AKAP6: variants seen among roughly 807,000 people sequenced by gnomAD.
The protein encoded by AKAP6 is A-kinase anchoring protein 6.
In AKAP6, 58 loss-of-function variants were observed where a neutral mutation model predicts 188.5. The observed-to-expected ratio is 0.31, with a 90% CI of 0.25 to 0.38. AKAP6 has a LOEUF of 0.38. Among genes scored for constraint, AKAP6 ranks in the 10% least tolerant of loss-of-function variants. The probability of loss-of-function intolerance (pLI) is 1.00; values close to 1 mark genes in which losing one functional copy is unlikely to be tolerated. For synonymous variants in AKAP6, 989 were observed against 998.6 expected (o/e 0.99, Z 0.18); for missense variants, 2,710 against 2,740.0 (o/e 0.99, Z 0.24).
chr14:32,647,423 A>G (rs1888029845), intron 7 of AKAP6, among the ~76,000 whole-genome samples: 2 of 152,096 alleles, frequency 1.3e-5, no homozygotes, highest in South Asian at 4.1e-4. Flanking sequence ...TTAACTGGTA[A>G]GAAAAATAAG....
chr14:32,519,268 A>G (rs1881690943), intron 2 of AKAP6, among the ~76,000 whole-genome samples: 1 of 152,246 alleles, frequency 6.6e-6, no homozygotes, highest in Admixed American at 6.5e-5. Flanking sequence ...CATTGAGGCT[A>G]GGAAGTAACT....
In AKAP6 at chr14:32,582,161, C is replaced by T. The variant is rs1361033794; in HGVS notation, c.2469+4919C>T. Among the ~76,000 whole-genome samples the T allele has an allele frequency of 3.6e-3, 552 of 152,100 alleles. 2 individuals carry two copies. The highest frequency in any genetic ancestry group is 0.013 in the African/African-American group (526 of 41,504). On this transcript the variant is annotated intron_variant, in intron 5 of 13. Transcript: ENST00000280979. Reference sequence around the variant, plus strand: ...TTGTTCCTTTCCATGTTTAGTGCTTCCTTCAGGAGCTCTTTTAGGGCAGGC... The same window carrying T: ...TTGTTCCTTTCCATGTTTAGTGCTTTCTTCAGGAGCTCTTTTAGGGCAGGC...
At chr14:32,518,539 G>C (rs548740931) in intron 2 of AKAP6, among the ~76,000 whole-genome samples, 1 of 152,136 alleles carries the variant, frequency 6.6e-6, no homozygotes. Context: ...CGAGAACTAC[G>C]TGACACATGC....
At chr14:32,554,076 A>G in intron 4 of AKAP6, among the ~76,000 whole-genome samples, 1 of 152,266 alleles carries the variant, frequency 6.6e-6, no homozygotes, top group Non-Finnish European at 1.5e-5. Context: ...TTAGCATGAT[A>G]CCTGGACATA....
At chr14:32,643,824 A>G (rs1056701167) in intron 7 of AKAP6, among the ~76,000 whole-genome samples, 3 of 152,164 alleles carry the variant, frequency 2.0e-5, no homozygotes, top group Non-Finnish European at 4.4e-5. Context: ...CTTGATACTT[A>G]GTCTTGATTC....
chr14:32,376,503 A>G (rs183074954), intron 1 of AKAP6, among the ~76,000 whole-genome samples: 22 of 152,292 alleles, frequency 1.4e-4, no homozygotes, highest in Admixed American at 1.2e-3. Context: ...CTTTCATATA[A>G]TAAATGTTTG....
intron 1 of AKAP6, among the ~76,000 whole-genome samples, chr14:32,431,069 C>T (rs1259170218): frequency 1.3e-5 from 2 of 151,272 alleles, no homozygotes; most frequent in African/African-American, 2.4e-5. Context: ...GGCACCACTG[C>T]ACTCCAGCCT....
chr14:32,420,649 G>T (rs1336544237), intron 1 of AKAP6, among the ~76,000 whole-genome samples: 1 of 152,102 alleles, frequency 6.6e-6, no homozygotes, highest in South Asian at 2.1e-4. Context: ...TTCTGAGTAT[G>T]TTCATTTACA....
At chr14:32,346,744 G>T (rs1887080869) in intron 1 of AKAP6, among the ~76,000 whole-genome samples, 1 of 152,188 alleles carries the variant, frequency 6.6e-6, no homozygotes, top group Admixed American at 6.5e-5. Flanking sequence ...TCCTGACCTT[G>T]TGATCCACCC....
intron 1 of AKAP6, among the ~76,000 whole-genome samples, chr14:32,361,673 T>G (rs1887669257): frequency 6.6e-6 from 1 of 152,222 alleles, no homozygotes; most frequent in African/African-American, 2.4e-5. Context: ...TTGTATTGGT[T>G]TTTATTAAAG....
At chr14:32,750,775 CTCTGTCACCCACGCT>C (rs1451853818) in intron 11 of AKAP6, among the ~76,000 whole-genome samples, 1 of 147,632 alleles carries the variant, frequency 6.8e-6, no homozygotes, top group African/African-American at 2.5e-5. Context: ...TGGAGTCTCA[CTCTGTCACCCACGCT>C]GGAGTGCAGT....
chr14:32,662,718 G>A (rs1436117777), intron 7 of AKAP6, among the ~76,000 whole-genome samples: 2 of 152,082 alleles, frequency 1.3e-5, no homozygotes, highest in Admixed American at 6.6e-5. Context: ...TTTATAATTA[G>A]CAGGTAATCT....
At position 32,823,831 on chromosome 14, in the gene AKAP6, T is replaced by C. The variant is rs139258840; in HGVS notation, c.6018T>C (p.Asp2006=). The C allele has an allele frequency of 2.5e-6, 4 of 1,613,460 alleles. No homozygotes were observed. In the South Asian group the frequency reaches 3.3e-5, roughly 13 times the overall value. ...RQDSDALKSS[D]DAPSMAGKSA... ...ACTCTGATGCACTGAAATCATCTGA[T>C]GATGCACCGAGTATGGCTGGAAAAT... Residue 2006 remains aspartate (D), a synonymous_variant, in exon 13 of 14, where the codon GAT becomes GAC. Coordinates refer to ENST00000280979, the MANE Select transcript of AKAP6 (RefSeq NM_004274.5).
chr14:32,453,695 C>T (rs1345067990), intron 2 of AKAP6, among the ~76,000 whole-genome samples: 1 of 145,544 alleles, frequency 6.9e-6, no homozygotes, highest in East Asian at 2.2e-4. Context: ...CTCCCGGGTT[C>T]ACGCCATTCT....
rs895173928 is a variant in AKAP6, at chr14:32,668,727, G to T, written c.2731-9584G>T. ...TGAGAACCTAAGGCTAGGTTTTTTT[G>T]GAACTGCCAATATGATCAGTTTTAT... On this transcript the variant is annotated intron_variant, in intron 7 of 13. Transcript: ENST00000280979. 8.2e-4 allele frequency among the ~76,000 whole-genome samples: 124 copies of T among 151,892 alleles called. 3 individuals carry two copies. Among genetic ancestry groups the T allele is most frequent in the Admixed American group, 2.6e-4 (4 of 15,238 alleles).
At chr14:32,355,333 C>T (rs902038076) in intron 1 of AKAP6, among the ~76,000 whole-genome samples, 1 of 152,016 alleles carries the variant, frequency 6.6e-6, no homozygotes, top group Non-Finnish European at 1.5e-5. Flanking sequence ...TCTTCTCTTA[C>T]CTCTCTACCT....
At chr14:32,541,883 C>T (rs375828212) in intron 3 of AKAP6, among the ~76,000 whole-genome samples, 23 of 152,276 alleles carry the variant, frequency 1.5e-4, no homozygotes, top group East Asian at 1.3e-3. Flanking sequence ...AAAAGTTATA[C>T]AATTCCATTT....
At chr14:32,449,585 A>G (rs924393976) in intron 2 of AKAP6, among the ~76,000 whole-genome samples, 1 of 151,134 alleles carries the variant, frequency 6.6e-6, no homozygotes, top group Non-Finnish European at 1.5e-5. Flanking sequence ...AGATTTTTTG[A>G]TGGAGAAGAC....
intron 2 of AKAP6, among the ~76,000 whole-genome samples, chr14:32,451,689 C>A (rs1486261902): frequency 6.6e-6 from 1 of 152,034 alleles, no homozygotes; most frequent in East Asian, 1.9e-4. Flanking sequence ...CATAAAATAT[C>A]TATGTTGACT....
Sources: gnomAD v4.1 joint callset for allele counts (sites outside exome capture counted in the v4.1 genomes callset) on GRCh38, gnomAD v4.1.1 for gene constraint, MANE v1.5 for transcripts, NCBI Gene and HGNC (gene_info 2026-07-23, HGNC 2026-07-21) for gene names.